The following HIVEP2 variants were observed in gnomAD, a reference collection of about 807,000 sequenced individuals.
HIVEP2 encodes the protein transcription factor HIVEP2.
In HIVEP2, 14 loss-of-function variants were observed where a neutral mutation model predicts 180.7. The observed-to-expected ratio is 0.08, with a 90% confidence interval of 0.05 to 0.12. The LOEUF is 0.12. Ranked by LOEUF, HIVEP2 falls within the 10% of genes least tolerant of loss-of-function variation. HIVEP2 has a pLI of 1.00. For missense variants in HIVEP2, 2,579 were observed against 3,008.5 expected, an observed-to-expected ratio of 0.86 and a Z score of 3.34; for synonymous variants, 1,184 against 1,136.4, an observed-to-expected ratio of 1.04 and a Z score of -0.84.
Position 142,785,309 on chromosome 6 carries a change from C to CAAAAAAAAA in HIVEP2, c.-527-1703_-527-1695dup, listed in dbSNP as rs57458259. On this transcript the variant is annotated intron_variant, in intron 2 of 9. Coordinates refer to ENST00000367603, the MANE Select transcript of HIVEP2 (RefSeq NM_006734.4). The stretch of plus-strand genomic sequence containing the variant: ...GGCTAAAGTAAAGCATGGCATTCCT[C>CAAAAAAAAA]AAAAAAAAAAAAAAAAAAAAAAAAA... Among the ~76,000 whole-genome samples, 59 of 65,384 alleles carry CAAAAAAAAA rather than the reference C, an allele frequency of 9.0e-4. 4 individuals carry two copies. The highest frequency in any genetic ancestry group is 1.3e-3 in the African/African-American group (27 of 20,536). 42.9% of individuals were successfully genotyped at this position (65,384 alleles called of 152,430 possible).
Position 142,759,964 on chromosome 6 carries a change from T to A in HIVEP2, c.6324A>T (p.Arg2108Ser). 6.2e-7 allele frequency: 1 copy of A among 1,613,998 alleles called. No homozygotes were observed. The highest frequency in any genetic ancestry group is 8.5e-7 in the Non-Finnish European group (1 of 1,179,978). Residue 2108 changes from arginine (R) to serine (S), a missense_variant, in exon 9 of 10, where the codon AGA becomes AGT. This residue lies in a region of HIVEP2 where 660 missense variants were observed against 731.7 expected (regional missense o/e 0.90). Transcript: ENST00000367603. ...REMSQRDVSP[R>S]RHLSPRRPVS... ...CTGGCCTCCTTGGAGACAAATGCCT[T>A]CTTGGTGAAACATCTCTTTGGGACA...
intron 1 of HIVEP2, among the ~76,000 whole-genome samples, chr6:142,920,824 A>T (rs1287571642): frequency 1.3e-5 from 2 of 152,118 alleles, no homozygotes; most frequent in African/African-American, 4.8e-5. Flanking sequence ...TCTACAAAAA[A>T]TTTAAAAAAT....
intron 2 of HIVEP2, among the ~76,000 whole-genome samples, chr6:142,814,203 A>G (rs1012178305): frequency 3.9e-5 from 6 of 152,188 alleles, no homozygotes; most frequent in African/African-American, 1.4e-4. Flanking sequence ...GAAATGTGAC[A>G]TCAGAGGCAG....
At chr6:142,882,710 G>T (rs1164716099) in intron 1 of HIVEP2, among the ~76,000 whole-genome samples, 2 of 152,086 alleles carry the variant, frequency 1.3e-5, no homozygotes, top group Non-Finnish European at 2.9e-5. Flanking sequence ...TCATTCCATT[G>T]TTCTGACAGT....
chr6:142,805,923 T>A (rs552262929), intron 2 of HIVEP2, among the ~76,000 whole-genome samples: 2 of 152,298 alleles, frequency 1.3e-5, no homozygotes, highest in East Asian at 3.9e-4. Context: ...GAATCAGACA[T>A]CATCTCCGTC....
chr6:142,808,906 C>T (rs893267930), intron 2 of HIVEP2, among the ~76,000 whole-genome samples: 4 of 152,192 alleles, frequency 2.6e-5, no homozygotes, highest in East Asian at 1.9e-4. Flanking sequence ...ATATTTGTTC[C>T]TATTTTAAAA....
At chr6:142,807,696 T>A (rs1370867310) in intron 2 of HIVEP2, among the ~76,000 whole-genome samples, 1 of 152,042 alleles carries the variant, frequency 6.6e-6, no homozygotes, top group Non-Finnish European at 1.5e-5. Flanking sequence ...GTCGAAACTA[T>A]CCCAGGAGAC....
intron 1 of HIVEP2, among the ~76,000 whole-genome samples, chr6:142,838,626 T>A (rs1775283303): frequency 1.3e-5 from 2 of 152,126 alleles, no homozygotes; most frequent in Non-Finnish European, 2.9e-5. Context: ...CCCAGGATGG[T>A]TTCGTGCAGA....
chr6:142,838,103 G>T (rs115116342), intron 1 of HIVEP2, among the ~76,000 whole-genome samples: 1,633 of 152,130 alleles, frequency 0.011, 18 homozygotes, highest in Middle Eastern at 0.037. Flanking sequence ...GGTTGAAACA[G>T]ATGTTATCCA....
chr6:142,875,155 G>A (rs1776400166), intron 1 of HIVEP2, among the ~76,000 whole-genome samples: 1 of 152,158 alleles, frequency 6.6e-6, no homozygotes, highest in Admixed American at 6.6e-5. Flanking sequence ...CAGGTGGCCT[G>A]TCCAAAGAAG....
At chr6:142,813,246 T>G (rs1163091743) in intron 2 of HIVEP2, among the ~76,000 whole-genome samples, 1 of 152,168 alleles carries the variant, frequency 6.6e-6, no homozygotes, top group Non-Finnish European at 1.5e-5. Context: ...GTTACTATAG[T>G]CAGAATTATA....
intron 3 of HIVEP2, among the ~76,000 whole-genome samples, 176 bp downstream of exon 3, chr6:142,783,345 A>AAAAAAAAAAC (rs1775904807): frequency 7.0e-6 from 1 of 142,808 alleles, no homozygotes; most frequent in Non-Finnish European, 1.5e-5. Flanking sequence ...AAAAAAAAAA[A>AAAAAAAAAAC]AAAAAAGACT....
intron 1 of HIVEP2, among the ~76,000 whole-genome samples, chr6:142,897,679 T>C (rs1777033219): frequency 6.6e-6 from 1 of 152,174 alleles, no homozygotes; most frequent in Non-Finnish European, 1.5e-5. Flanking sequence ...GTTACAGCAG[T>C]TACCCTTGGG....
At chr6:142,848,870 C>A (rs1423504961) in intron 1 of HIVEP2, among the ~76,000 whole-genome samples, 1 of 152,174 alleles carries the variant, frequency 6.6e-6, no homozygotes, top group Non-Finnish European at 1.5e-5. Flanking sequence ...CCAGTTCAAC[C>A]CCAAGTCTAT....
chr6:142,754,477 A>G (rs197476), intron 9 of HIVEP2, among the ~76,000 whole-genome samples: 98,212 of 152,012 alleles, frequency 0.65, 31,770 homozygotes, highest in East Asian at 0.71. Context: ...ATGACAAAAC[A>G]GTGGTGAGGA....
chr6:142,757,020 G>A (rs572019165), intron 9 of HIVEP2, among the ~76,000 whole-genome samples: 1 of 152,152 alleles, frequency 6.6e-6, no homozygotes, highest in Non-Finnish European at 1.5e-5. Context: ...GTACATATGT[G>A]TATATGTGTG....
chr6:142,880,574 G>A (rs941156290), intron 1 of HIVEP2, among the ~76,000 whole-genome samples: 1 of 152,102 alleles, frequency 6.6e-6, no homozygotes, highest in Non-Finnish European at 1.5e-5. Flanking sequence ...AAAGGCATTC[G>A]GTGTCCTCTC....
rs531374842 is a variant in HIVEP2 at position 142,932,713 on chromosome 6, T to G, written c.-641+12386A>C. 7.9e-5 allele frequency among the ~76,000 whole-genome samples: 12 copies of G among 152,334 alleles called. No individual in the cohort carries two copies. The East Asian group carries it at 1.5e-3, about 20-fold the overall frequency. ...TGGAGAGGGCTCAACTGCTGGTAACTAGAAATGTCCAAGAACGGAATAGGC... is the reference window on the plus strand; with the variant it reads ...TGGAGAGGGCTCAACTGCTGGTAACGAGAAATGTCCAAGAACGGAATAGGC... On this transcript the variant is annotated intron_variant, in intron 1 of 9. Coordinates refer to ENST00000367603, the MANE Select transcript of HIVEP2 (RefSeq NM_006734.4).
intron 9 of HIVEP2, among the ~76,000 whole-genome samples, chr6:142,756,690 A>C (rs1228089065): frequency 8.0e-5 from 12 of 150,068 alleles, no homozygotes; most frequent in Non-Finnish European, 4.4e-5. Context: ...TATCAAAAAA[A>C]AAAAGATAAG....
Sources: gnomAD v4.1 joint callset for allele counts (sites outside exome capture counted in the v4.1 genomes callset) on GRCh38, gnomAD v4.1.1 for gene constraint, gnomAD v4.1.1 regional missense constraint, MANE v1.5 for transcripts, NCBI Gene and HGNC (gene_info 2026-07-23, HGNC 2026-07-21) for gene names.